KANK4: variants seen among roughly 807,000 people sequenced by gnomAD.
KANK4 encodes KN motif and ankyrin repeat domain-containing protein 4.
Under a neutral mutation model 80.8 loss-of-function variants are expected in KANK4, and 50 were observed. That is an observed-to-expected ratio of 0.62 (90% confidence interval 0.49 to 0.78). KANK4 has a LOEUF of 0.78. KANK4 is among the 30% of genes least tolerant of loss of function. The probability of loss-of-function intolerance (pLI) is 0.00; values close to 1 mark genes in which losing one functional copy is unlikely to be tolerated. For missense variants in KANK4, 1,196 were observed against 1,240.1 expected, an observed-to-expected ratio of 0.96 and a Z score of 0.53; for synonymous variants, 465 against 506.9, an observed-to-expected ratio of 0.92 and a Z score of 1.11.
intron 1 of KANK4, among the ~76,000 whole-genome samples, chr1:62,296,799 C>A (rs1000661170): frequency 6.6e-6 from 1 of 152,124 alleles, no homozygotes; most frequent in African/African-American, 2.4e-5. Context: ...CTTGGCCTCC[C>A]AAAGTGTTAG....
chr1:62,256,862 C>A (rs1269586432), intron 7 of KANK4, among the ~76,000 whole-genome samples: 3 of 152,190 alleles, frequency 2.0e-5, no homozygotes, highest in African/African-American at 7.2e-5. Context: ...CACCTCATAG[C>A]TCTGTCCTGA....
At chr1:62,308,802 G>A (rs1284853110) in intron 1 of KANK4, among the ~76,000 whole-genome samples, 2 of 152,202 alleles carry the variant, frequency 1.3e-5, no homozygotes, top group South Asian at 2.1e-4. Context: ...TGGGAAAAAT[G>A]TCACAGGGCC....
intron 1 of KANK4, among the ~76,000 whole-genome samples, chr1:62,309,355 G>A (rs866631992): frequency 2.6e-5 from 4 of 152,296 alleles, no homozygotes; most frequent in African/African-American, 9.6e-5. Context: ...TGAATTCTGG[G>A]AGGATACCAG....
At position 62,273,438 on chromosome 1, in the gene KANK4, T is replaced by C. The variant is rs775867875; in HGVS notation, c.1666A>G (p.Thr556Ala). ...ACATACTGCCCAATAGTGGCATCCG[T>C]TGGCGAGCTTGGTGGCCTTCCCGGG... The part of the protein sequence containing the change: ...EHPGRPPSSP[T>A]DATIGQYVKK... The change falls in exon 3 of 10, where the codon ACG (threonine) becomes GCG (alanine). Residue 556 changes from threonine to alanine, a missense_variant. Coordinates refer to ENST00000371153, the MANE Select transcript of KANK4 (RefSeq NM_181712.5). The C allele has an allele frequency of 8.7e-6, 14 of 1,613,670 alleles. No homozygotes were observed. In the South Asian group the frequency reaches 1.3e-4, roughly 15 times the overall value.
chr1:62,247,116 C>G (rs1671484467), intron 9 of KANK4, among the ~76,000 whole-genome samples: 1 of 149,810 alleles, frequency 6.7e-6, no homozygotes, highest in African/African-American at 2.5e-5. Context: ...GTCTTGAACT[C>G]TTGGCCTCAA....
At chr1:62,310,655 T>C (rs1246091007) in intron 1 of KANK4, among the ~76,000 whole-genome samples, 3 of 152,136 alleles carry the variant, frequency 2.0e-5, no homozygotes, top group Non-Finnish European at 4.4e-5. Context: ...AGCAATTAGC[T>C]CTTCACAAGG....
Position 62,274,510 on chromosome 1 carries a change from A to T in KANK4, c.594T>A (p.Ser198Arg), listed in dbSNP as rs925736830. The change falls in exon 3 of 10, where the codon AGT becomes AGA. Residue 198 changes from serine (S) to arginine (R), a missense_variant. This residue lies in a region of KANK4 where 1,154 missense variants were observed against 1,179.6 expected (regional missense o/e 0.98). Coordinates refer to ENST00000371153, the MANE Select transcript of KANK4 (RefSeq NM_181712.5). ...CAGGTTCAAAGGTGCCATCACAGAC[A>T]CTGCCTTCACCCTGAAGGGGAGGGA... is the stretch of plus-strand genomic sequence containing the variant. ...PALPPLQGEG[S>R]VCDGTFEPAE... 1 of 1,614,050 alleles carries T rather than the reference A, an allele frequency of 6.2e-7. No individual in the cohort carries two copies. The highest frequency in any genetic ancestry group is 1.3e-5 in the African/African-American group (1 of 74,910).
At chr1:62,238,483 T>C (rs950146384) in intron 9 of KANK4, 102 bp from the exon 10 acceptor site, 60 of 939,354 alleles carry the variant, frequency 6.4e-5, no homozygotes, top group Non-Finnish European at 9.4e-5. Context: ...GGGACACAGG[T>C]GTCTATTAAG....
intron 7 of KANK4, among the ~76,000 whole-genome samples, chr1:62,259,424 G>GA (rs1671826324): frequency 6.6e-6 from 1 of 152,098 alleles, no homozygotes; most frequent in Admixed American, 6.5e-5. Flanking sequence ...CCACAGGCGT[G>GA]TGCCATCACG....
intron 7 of KANK4, among the ~76,000 whole-genome samples, chr1:62,254,615 AT>A (rs1393080703): frequency 1.4e-5 from 2 of 147,668 alleles, no homozygotes; most frequent in African/African-American, 5.0e-5. Flanking sequence ...GTACAGTTGC[AT>A]GATCTCGGCT....
At chr1:62,291,702 G>A (rs1672681968) in intron 1 of KANK4, among the ~76,000 whole-genome samples, 1 of 152,054 alleles carries the variant, frequency 6.6e-6, no homozygotes, top group Non-Finnish European at 1.5e-5. Flanking sequence ...CCACCTCCCG[G>A]GATCAAGTGA....
At chr1:62,255,342 T>G (rs904674669) in intron 7 of KANK4, among the ~76,000 whole-genome samples, 27 of 152,200 alleles carry the variant, frequency 1.8e-4, no homozygotes, top group African/African-American at 6.5e-4. Flanking sequence ...TGACCCCACC[T>G]CTCAAGGGTG....
chr1:62,310,000 G>T (rs563857436), intron 1 of KANK4, among the ~76,000 whole-genome samples: 1 of 152,216 alleles, frequency 6.6e-6, no homozygotes, highest in Non-Finnish European at 1.5e-5. Context: ...CAAGGGACAT[G>T]GGGATAGAAT....
At chr1:62,290,220 G>A (rs746225758) in intron 1 of KANK4, among the ~76,000 whole-genome samples, 2 of 152,032 alleles carry the variant, frequency 1.3e-5, no homozygotes, top group Non-Finnish European at 2.9e-5. Context: ...TACTATAAAT[G>A]GCTATACAAA....
intron 1 of KANK4, among the ~76,000 whole-genome samples, chr1:62,306,525 C>A (rs758184113): frequency 6.6e-6 from 1 of 152,036 alleles, no homozygotes; most frequent in Non-Finnish European, 1.5e-5. Flanking sequence ...TATGCTCTAA[C>A]CACCAGTTCT....
At chr1:62,249,384 ATT>A (rs1230257678) in intron 8 of KANK4, among the ~76,000 whole-genome samples, 13 of 143,764 alleles carry the variant, frequency 9.0e-5, no homozygotes, top group Non-Finnish European at 1.7e-4. Context: ...ATATACATGT[ATT>A]TTTTTTTTTT....
chr1:62,265,674 C>T (rs3850630), intron 6 of KANK4, among the ~76,000 whole-genome samples: 6,592 of 152,252 alleles, frequency 0.043, 227 homozygotes, highest in East Asian at 0.14. Context: ...CAAAGGAGAG[C>T]AAAATGGCTT....
At chr1:62,239,297 C>A (rs1671283582) in intron 9 of KANK4, among the ~76,000 whole-genome samples, 1 of 152,076 alleles carries the variant, frequency 6.6e-6, no homozygotes, top group African/African-American at 2.4e-5. Context: ...CCATGATATG[C>A]TATAAGATGT....
chr1:62,295,336 G>C lies in KANK4; in HGVS notation c.-70-13702C>G, dbSNP rs141699516. Among the ~76,000 whole-genome samples, 556 of 152,272 alleles carry C rather than the reference G, an allele frequency of 3.7e-3. 2 individuals are homozygous for C. Among genetic ancestry groups the C allele is most frequent in the African/African-American group, 0.013 (526 of 41,550 alleles). ...TTTTTGTATTTTTAGTAGAGACAGG[G>C]TTTCGCCATGTTGCCCAGGCTGGTC... On this transcript the variant is annotated intron_variant, in intron 1 of 9. Coordinates refer to ENST00000371153, the MANE Select transcript of KANK4 (RefSeq NM_181712.5).
Sources: gnomAD v4.1 joint callset for allele counts (sites outside exome capture counted in the v4.1 genomes callset) on GRCh38, gnomAD v4.1.1 for gene constraint, gnomAD v4.1.1 regional missense constraint, MANE v1.5 for transcripts, NCBI Gene and HGNC (gene_info 2026-07-23, HGNC 2026-07-21) for gene names.